The following CEACAM8 variants were observed in gnomAD, a reference collection of about 807,000 sequenced individuals.
The protein encoded by CEACAM8 is CEA cell adhesion molecule 8.
Under a neutral mutation model 33.4 loss-of-function variants are expected in CEACAM8, and 31 were observed. The observed-to-expected ratio is 0.93, with a 90% CI of 0.70 to 1.25. The LOEUF (loss-of-function observed/expected upper bound fraction) is 1.25, where lower values mean the gene tolerates loss of function less well. Ranked by LOEUF, CEACAM8 falls within the 50% of genes most tolerant of loss-of-function variation. The probability of loss-of-function intolerance (pLI) is 0.00; values close to 1 mark genes in which losing one functional copy is unlikely to be tolerated. For missense variants in CEACAM8, 388 were observed against 434.6 expected (o/e 0.89, Z 0.95); for synonymous variants, 138 against 164.5 (o/e 0.84, Z 1.23).
In CEACAM8 at chr19:42,593,402, T is replaced by C. The variant is rs554032575; in HGVS notation, c.424+139A>G. The stretch of plus-strand genomic sequence containing the variant: ...TCTGTGGAAGTCTGTCTCCCCTGAG[T>C]GTGTCCTGCACTAAATGTCCAAACC... On this transcript the variant is annotated intron_variant, in intron 2 of 5. Transcript: ENST00000244336. 1.9e-5 allele frequency: 20 copies of C among 1,069,266 alleles called. No individual in the cohort carries two copies. In the South Asian group the frequency reaches 3.4e-4, roughly 18 times the overall value. 66.2% of individuals were successfully genotyped at this position (1,069,266 alleles called of 1,614,324 possible). A position where few individuals can be genotyped will look rare whatever the true frequency, so the allele number is the denominator to read the frequency against.
intron 1 of CEACAM8, among the ~76,000 whole-genome samples, chr19:42,594,440 T>C (rs28694645): frequency 0.057 from 8,671 of 152,276 alleles, 821 homozygotes; most frequent in African/African-American, 0.2. Context: ...TGTCTGACAT[T>C]GTTGGCTGAG....
chr19:42,593,916 A>G lies in CEACAM8; in HGVS notation c.65-16T>C. On this transcript the variant is annotated splice_polypyrimidine_tract_variant and intron_variant, in intron 1 of 5. Coordinates refer to ENST00000244336, the MANE Select transcript of CEACAM8 (RefSeq NM_001816.4). ...AAAAGTGAGGCTAGGAGGGGGAGAG[A>G]GCATCAAGCAATATTGCAACATATG... 1 of 1,555,660 alleles carries G rather than the reference A, an allele frequency of 6.4e-7. No homozygotes were observed. The highest frequency in any genetic ancestry group is 2.3e-5 in the East Asian group (1 of 44,298).
At position 42,589,044 on chromosome 19, in the gene CEACAM8, G is replaced by A; in HGVS notation, c.704-6C>T. Reference sequence around the variant, plus strand: ...GGTGGGGGCATCTGGGCCATCTAGAGCAAAAGAATAAAGTCACAGGTGATG... The same window carrying A: ...GGTGGGGGCATCTGGGCCATCTAGAACAAAAGAATAAAGTCACAGGTGATG... On this transcript the variant is annotated splice_region_variant and splice_polypyrimidine_tract_variant and intron_variant, in intron 3 of 5. Coordinates refer to ENST00000244336, the MANE Select transcript of CEACAM8 (RefSeq NM_001816.4). 6.2e-7 allele frequency: 1 copy of A among 1,610,148 alleles called. No homozygotes were observed. The highest frequency in any genetic ancestry group is 8.5e-7 in the Non-Finnish European group (1 of 1,177,236).
chr19:42,585,998 C>G (rs2042330990), intron 4 of CEACAM8, among the ~76,000 whole-genome samples: 1 of 151,988 alleles, frequency 6.6e-6, no homozygotes. Flanking sequence ...ACATTAACAT[C>G]AAAAAGAATA....
At chr19:42,590,095 C>T (rs2042409716) in intron 2 of CEACAM8, among the ~76,000 whole-genome samples, 1 of 152,160 alleles carries the variant, frequency 6.6e-6, no homozygotes, top group African/African-American at 2.4e-5. Flanking sequence ...GTGCTGGGTC[C>T]CTTCCAGCTT....
intron 2 of CEACAM8, among the ~76,000 whole-genome samples, chr19:42,590,603 T>C (rs1428854323): frequency 6.6e-6 from 1 of 152,200 alleles, no homozygotes; most frequent in Non-Finnish European, 1.5e-5. Flanking sequence ...TTGACAGTTA[T>C]GAGAGAGAAA....
At chr19:42,591,758 G>A (rs2042444216) in intron 2 of CEACAM8, among the ~76,000 whole-genome samples, 2 of 152,198 alleles carry the variant, frequency 1.3e-5, no homozygotes. Flanking sequence ...CCATCAGACA[G>A]CACCTGCCTG....
At chr19:42,593,407 C>T in intron 2 of CEACAM8, 134 bp downstream of exon 2, 2 of 1,156,596 alleles carry the variant, frequency 1.7e-6, no homozygotes, top group Non-Finnish European at 2.4e-6. Flanking sequence ...CTGAGTGTGT[C>T]CTGCACTAAA....
chr19:42,589,939 A>C (rs2042405838), intron 2 of CEACAM8, among the ~76,000 whole-genome samples: 1 of 152,222 alleles, frequency 6.6e-6, no homozygotes, highest in Non-Finnish European at 1.5e-5. Context: ...GGAGAAACAC[A>C]GACTTTCTCA....
chr19:42,592,877 C>T (rs1323063702), intron 2 of CEACAM8, among the ~76,000 whole-genome samples: 1 of 152,180 alleles, frequency 6.6e-6, no homozygotes, highest in Admixed American at 6.5e-5. Context: ...TATGGAGTCT[C>T]CTAAGCCTCC....
Position 42,593,663 on chromosome 19 carries a change from A to C in CEACAM8, c.302T>G (p.Ile101Arg). 6.2e-7 allele frequency: 1 copy of C among 1,614,004 alleles called. No individual in the cohort carries two copies. Among genetic ancestry groups the C allele is most frequent in the Non-Finnish European group, 8.5e-7 (1 of 1,179,964 alleles). Residue 101 changes from isoleucine (I) to arginine (R), a missense_variant, in exon 2 of 6, where the codon ATA becomes AGA. Coordinates refer to ENST00000244336, the MANE Select transcript of CEACAM8 (RefSeq NM_001816.4). ...PGPAYSNRETIYPNASLLMRN... is the reference protein window; with the variant it reads ...PGPAYSNRETRYPNASLLMRN... ...CATCAGCAGGGATGCATTGGGGTAT[A>C]TTGTCTCTCGATTGCTGTATGCAGG...
chr19:42,581,947 A>ATATATATATAT (rs2042268505), intron 5 of CEACAM8, among the ~76,000 whole-genome samples: 2 of 103,576 alleles, frequency 1.9e-5, no homozygotes, highest in African/African-American at 7.1e-5. Flanking sequence ...ATATATATAT[A>ATATATATATAT]AAATAAGGTG....
intron 4 of CEACAM8, among the ~76,000 whole-genome samples, chr19:42,586,179 T>C (rs2042333893): frequency 6.6e-6 from 1 of 152,200 alleles, no homozygotes. Flanking sequence ...AAGTGAGCTA[T>C]GGATTCAACA....
intron 2 of CEACAM8, 31 bp downstream of exon 2, chr19:42,593,510 C>G: frequency 6.5e-7 from 1 of 1,539,186 alleles, no homozygotes; most frequent in Non-Finnish European, 8.8e-7. Context: ...AACTGACCCC[C>G]AACACCCAGA....
Position 42,589,053 on chromosome 19 carries a change from T to C in CEACAM8, c.704-15A>G. 1.2e-6 allele frequency: 2 copies of C among 1,606,630 alleles called. No homozygotes were observed. The highest frequency in any genetic ancestry group is 1.7e-6 in the Non-Finnish European group (2 of 1,175,214). ...ATCTGGGCCATCTAGAGCAAAAGAA[T>C]AAAGTCACAGGTGATGTCATCAGAG... On this transcript the variant is annotated splice_polypyrimidine_tract_variant and intron_variant, in intron 3 of 5. Transcript: ENST00000244336.
In CEACAM8 at chr19:42,592,212, C is replaced by T. The variant is rs560193491; in HGVS notation, c.424+1329G>A. On this transcript the variant is annotated intron_variant, in intron 2 of 5. Transcript: ENST00000244336. ...GACGGGGCTGTGGCTGGAGAGAGAC[C>T]TCATGTGACCCTGATCTATCCCTCG... Among the ~76,000 whole-genome samples the T allele has an allele frequency of 7.3e-4, 111 of 152,220 alleles. 1 individual carries two copies. Among genetic ancestry groups the T allele is most frequent in the African/African-American group, 2.5e-3 (104 of 41,516 alleles).
intron 2 of CEACAM8, among the ~76,000 whole-genome samples, chr19:42,592,870 G>A (rs1260020625): frequency 6.6e-6 from 1 of 152,138 alleles, no homozygotes; most frequent in Non-Finnish European, 1.5e-5. Context: ...AACTTTCTAT[G>A]GAGTCTCCTA....
chr19:42,588,167 G>A (rs550193270), intron 4 of CEACAM8, among the ~76,000 whole-genome samples: 2 of 152,150 alleles, frequency 1.3e-5, no homozygotes, highest in Non-Finnish European at 2.9e-5. Flanking sequence ...CAGCCTGACT[G>A]GGGGGAGGCT....
chr19:42,588,757 C>G, intron 4 of CEACAM8, 27 bp downstream of exon 4: 3 of 1,611,992 alleles, frequency 1.9e-6, no homozygotes, highest in Non-Finnish European at 2.5e-6. Context: ...AGAAAACATA[C>G]TGCCAGTGCT....
Sources: allele counts gnomAD v4.1 joint callset (sites outside exome capture counted in the v4.1 genomes callset), GRCh38; gene constraint gnomAD v4.1.1; transcripts MANE v1.5; gene names NCBI Gene and HGNC (gene_info 2026-07-23, HGNC 2026-07-21).